The following HMCN2 variants were observed in gnomAD, a reference collection of about 807,000 sequenced individuals.
HMCN2 encodes hemicentin 2.
Under a neutral mutation model 377.5 loss-of-function variants are expected in HMCN2, and 325 were observed. The observed-to-expected ratio is 0.86, with a 90% confidence interval of 0.79 to 0.94. The LOEUF (loss-of-function observed/expected upper bound fraction) is 0.94. Ranked by LOEUF, HMCN2 falls within the 40% of genes least tolerant of loss-of-function variation. HMCN2 has a pLI of 0.00. For synonymous variants in HMCN2, 2,007 were observed against 2,046.8 expected (o/e 0.98, Z 0.53); for missense variants, 4,543 against 4,725.3 (o/e 0.96, Z 1.13).
rs766731726 is a variant in HMCN2 at position 130,393,891 on chromosome 9, G to A, written c.10384G>A (p.Glu3462Lys). ...GGAACCCTTGTTGTCCCAGAGCCTC[G>A]AGCAGGGGCCCAGCCTGCAGCTGGA... ...DGEPLLSQSLEQGPSLQLEAV... is the reference protein window; with the variant it reads ...DGEPLLSQSLKQGPSLQLEAV... Residue 3462 changes from glutamate (E) to lysine (K), a missense_variant, in exon 68 of 98, where the codon GAG becomes AAG. Physicochemically the swap from Glu to Lys is moderately conservative, Grantham distance 56. This residue lies in a region of HMCN2 where 1,073 missense variants were observed against 1,319.5 expected (regional missense o/e 0.81). Coordinates refer to ENST00000683500, the MANE Select transcript of HMCN2 (RefSeq NM_001291815.2). This position sits in a 1 kb window ranked among gnomAD's most constrained non-coding sequence, Gnocchi z 5.2. 1.3e-5 allele frequency: 17 copies of A among 1,289,526 alleles called. No homozygotes were observed. The highest frequency in any genetic ancestry group is 6.1e-5 in the African/African-American group (4 of 65,836). The allele number at this position is 1,289,526 out of a possible 1,614,324, so 79.9% of individuals were successfully genotyped here.
At chr9:130,389,683 T>A (rs1842205171) in intron 62 of HMCN2, among the ~76,000 whole-genome samples, 1 of 152,020 alleles carries the variant, frequency 6.6e-6, no homozygotes, top group African/African-American at 2.4e-5. Flanking sequence ...GAAGCGATTC[T>A]CCTGCCTCAG....
At chr9:130,348,427 A>G (rs575253020) in intron 26 of HMCN2, 118 bp from the exon 27 acceptor site, 501 of 1,221,146 alleles carry the variant, frequency 4.1e-4, no homozygotes, top group Non-Finnish European at 5.1e-4. Flanking sequence ...GCGGACGGGG[A>G]CAGGCAGACC....
In HMCN2 at chr9:130,360,583, CG is replaced by C. The variant is rs1564815970; in HGVS notation, c.5931del (p.Tyr1978MetfsTer29). ...ASNVAGSTELRYGLRVNVPPR... is the reference protein window; with the variant it reads ...ASNVAGSTELXYGLRVNVPPR... Reference sequence around the variant, plus strand: ...CAATGTGGCAGGTAGCACAGAGCTGCGGTATGGCCTACGGGTCAATGGTGAG... The same window carrying C: ...CAATGTGGCAGGTAGCACAGAGCTGCGTATGGCCTACGGGTCAATGGTGAG... On this transcript the variant is annotated frameshift_variant, in exon 38 of 98. Coordinates refer to ENST00000683500, the MANE Select transcript of HMCN2 (RefSeq NM_001291815.2). LOFTEE classifies it high-confidence loss of function. This position sits in a 1 kb window ranked among gnomAD's most constrained non-coding sequence, Gnocchi z 4.7. 1.5e-6 allele frequency: 2 copies of C among 1,302,614 alleles called. No individual in the cohort carries two copies. Among genetic ancestry groups the C allele is most frequent in the Admixed American group, 2.3e-5 (1 of 43,356 alleles). 80.7% of individuals were successfully genotyped at this position (1,302,614 alleles called of 1,614,324 possible). A position where few individuals can be genotyped will look rare whatever the true frequency, so the allele number is the denominator to read the frequency against.
intron 19 of HMCN2, among the ~76,000 whole-genome samples, chr9:130,324,929 G>T (rs1295602280): frequency 6.6e-6 from 1 of 152,014 alleles, no homozygotes; most frequent in African/African-American, 2.4e-5. Context: ...CAGCCTTGGT[G>T]TTGTTTATTT....
rs900495355 is a variant in HMCN2, at chr9:130,351,107, T to C, written c.4431-316T>C. Among the ~76,000 whole-genome samples, 6 of 152,220 alleles carry C rather than the reference T, an allele frequency of 3.9e-5. No individual in the cohort carries two copies. Among genetic ancestry groups the C allele is most frequent in the African/African-American group, 9.6e-5 (4 of 41,466 alleles). ...CTATGGACGTGCCTGTTCTGGGTAC[T>C]TCACATCACTGGCATCATAGAGTGT... is the stretch of plus-strand genomic sequence containing the variant. On this transcript the variant is annotated intron_variant, in intron 29 of 97. Coordinates refer to ENST00000683500, the MANE Select transcript of HMCN2 (RefSeq NM_001291815.2). This position sits in a 1 kb window ranked among gnomAD's most constrained non-coding sequence, Gnocchi z 5.4.
At position 130,402,850 on chromosome 9, in the gene HMCN2, C is replaced by A. The variant is rs1373574825; in HGVS notation, c.11832C>A (p.Arg3944=). ...CAGGCCGCTACACCTGCTCAGCCCG[C>A]AACTCTGCCGGCGTAGCCCACAAGC... The part of the protein sequence containing the change: ...IHAGRYTCSA[R]NSAGVAHKHV... Residue 3944 remains arginine (R), a synonymous_variant, in exon 78 of 98, where the codon CGC becomes CGA. Transcript: ENST00000683500. 1.9e-5 allele frequency: 24 copies of A among 1,289,792 alleles called. No individual in the cohort carries two copies. Among genetic ancestry groups the A allele is most frequent in the Non-Finnish European group, 2.4e-5 (24 of 988,880 alleles). 79.9% of individuals were successfully genotyped at this position (1,289,792 alleles called of 1,614,324 possible). A position where few individuals can be genotyped will look rare whatever the true frequency, so the allele number is the denominator to read the frequency against.
chr9:130,397,574 GC>G lies in HMCN2; in HGVS notation c.11248del (p.Gln3750ArgfsTer38), dbSNP rs1038034433. Reference protein sequence around the residue: ...EGSLRIQPVLAQDAGHYLCLA... With the variant: ...EGSLRIQPVLXQDAGHYLCLA... ...TTCCCTGAGAATCCAGCCAGTCCTT[GC>G]CCAGGACGCCGGCCACTACCTCTGC... On this transcript the variant is annotated frameshift_variant, in exon 74 of 98. Transcript: ENST00000683500. LOFTEE classifies it high-confidence loss of function. The G allele has an allele frequency of 3.1e-6, 4 of 1,289,708 alleles. No homozygotes were observed. In the African/African-American group the frequency reaches 4.6e-5, roughly 15 times the overall value. 79.9% of individuals were successfully genotyped at this position (1,289,708 alleles called of 1,614,324 possible).
Position 130,362,197 on chromosome 9 carries a change from TC to T in HMCN2, c.6108+35del, listed in dbSNP as rs993620427. 5 of 984,842 alleles carry T rather than the reference TC, an allele frequency of 5.1e-6. No individual in the cohort carries two copies. The African/African-American group carries it at 8.7e-5, about 17-fold the overall frequency. 61.0% of individuals were successfully genotyped at this position (984,842 alleles called of 1,614,324 possible). A position where few individuals can be genotyped will look rare whatever the true frequency, so the allele number is the denominator to read the frequency against. On this transcript the variant is annotated intron_variant, in intron 39 of 97. Coordinates refer to ENST00000683500, the MANE Select transcript of HMCN2 (RefSeq NM_001291815.2). ...AGGGCTGGGTGGCCCCGGCTCAACC[TC>T]CCTGCACCTCCCGTAGATGCTGGGA... is the stretch of plus-strand genomic sequence containing the variant.
chr9:130,407,463 A>T (rs894011976), intron 82 of HMCN2, 108 bp from the exon 83 acceptor site: 161 of 968,660 alleles, frequency 1.7e-4, no homozygotes, highest in Non-Finnish European at 1.8e-4. Flanking sequence ...TTCACCCGGG[A>T]CTCCCATCTG....
intron 95 of HMCN2, chr9:130,431,013 G>A: frequency 2.4e-6 from 1 of 423,080 alleles, no homozygotes; most frequent in South Asian, 3.5e-5. Flanking sequence ...TGGGTAGAGG[G>A]GGGTGGGGGT....
Position 130,303,447 on chromosome 9 carries a change from T to C in HMCN2, c.1422-40T>C. ...AGTCGGGGGGGACCCTGAGTGGGGG[T>C]CAGTGTGATTGTGTGTCTCCCACTG... is the stretch of plus-strand genomic sequence containing the variant. On this transcript the variant is annotated intron_variant, in intron 9 of 97. Coordinates refer to ENST00000683500, the MANE Select transcript of HMCN2 (RefSeq NM_001291815.2). The surrounding 1 kb of genome is among the most constrained non-coding windows in gnomAD (Gnocchi z 5.2). 2.5e-6 allele frequency: 1 copy of C among 405,088 alleles called. No individual in the cohort carries two copies. The highest frequency in any genetic ancestry group is 5.3e-6 in the Non-Finnish European group (1 of 190,118). 25.1% of individuals were successfully genotyped at this position (405,088 alleles called of 1,614,324 possible). A position where few individuals can be genotyped will look rare whatever the true frequency, so the allele number is the denominator to read the frequency against.
rs1214295717 is a variant in HMCN2, at chr9:130,376,639, G to A, written c.8042G>A (p.Arg2681His). Residue 2681 changes from arginine to histidine, a missense_variant, in exon 52 of 98, where the codon CGC becomes CAC. Arg to His is a conservative substitution (Grantham distance 29). This residue lies in a region of HMCN2 where 736 missense variants were observed against 773.2 expected (regional missense o/e 0.95). Transcript: ENST00000683500. Reference sequence around the variant, plus strand: ...TGGGCTGTGCCCCCGCCCACCATCCGCTGGTACAAGGATGGACAGGTGAGT... The same window carrying A: ...TGGGCTGTGCCCCCGCCCACCATCCACTGGTACAAGGATGGACAGGTGAGT... Reference protein sequence around the residue: ...ESWAVPPPTIRWYKDGQPVTP... With the variant: ...ESWAVPPPTIHWYKDGQPVTP... 2.7e-5 allele frequency: 27 copies of A among 985,714 alleles called. No homozygotes were observed. Among genetic ancestry groups the A allele is most frequent in the Middle Eastern group, 5.2e-4 (1 of 1,938 alleles). The allele number at this position is 985,714 out of a possible 1,614,324, so 61.1% of individuals were successfully genotyped here. A position where few individuals can be genotyped will look rare whatever the true frequency, so the allele number is the denominator to read the frequency against.
intron 1 of HMCN2, among the ~76,000 whole-genome samples, chr9:130,281,463 C>T (rs1484333470): frequency 6.6e-6 from 1 of 151,770 alleles, no homozygotes; most frequent in Admixed American, 6.6e-5. Context: ...CCCGGCATGG[C>T]GGTACACCTC....
intron 24 of HMCN2, among the ~76,000 whole-genome samples, chr9:130,342,130 TC>T (rs1305879138): frequency 2.0e-5 from 3 of 152,146 alleles, no homozygotes; most frequent in Non-Finnish European, 2.9e-5. Flanking sequence ...CAGCTCAGCC[TC>T]CCCAGCATGT....
At chr9:130,318,934 G>A (rs1313369209) in intron 15 of HMCN2, among the ~76,000 whole-genome samples, 1 of 152,216 alleles carries the variant, frequency 6.6e-6, no homozygotes, top group African/African-American at 2.4e-5. Context: ...GGCAATAGAA[G>A]GGGCTGTGGA....
chr9:130,319,477 C>G lies in HMCN2; in HGVS notation c.2351-18C>G, dbSNP rs1251408758. 2.0e-5 allele frequency: 3 copies of G among 152,442 alleles called. No homozygotes were observed. Among genetic ancestry groups the G allele is most frequent in the Admixed American group, 2.0e-4 (3 of 15,306 alleles). The allele number at this position is 152,442 out of a possible 1,614,324, so 9.4% of individuals were successfully genotyped here. ...AGGTCCAGCCTCCGGGCATGGTTGA[C>G]TGGTCACCTCCCTGCAGATGCGCCC... On this transcript the variant is annotated intron_variant, in intron 15 of 97. Coordinates refer to ENST00000683500, the MANE Select transcript of HMCN2 (RefSeq NM_001291815.2).
chr9:130,349,948 A>AGTGTAGT (rs1839611440), intron 29 of HMCN2, among the ~76,000 whole-genome samples: 1 of 135,312 alleles, frequency 7.4e-6, no homozygotes, highest in South Asian at 2.4e-4. Flanking sequence ...CTCAGGTTAG[A>AGTGTAGT]GTGCAGTGGA....
chr9:130,268,108 G>A (rs1564731707), intron 1 of HMCN2, among the ~76,000 whole-genome samples: 1 of 152,174 alleles, frequency 6.6e-6, no homozygotes, highest in Non-Finnish European at 1.5e-5. Context: ...GGCTCCAGTG[G>A]CCCAGCAGGA....
chr9:130,391,952 C>G lies in HMCN2; in HGVS notation c.9970C>G (p.Gln3324Glu), dbSNP rs1842340351. The change falls in exon 66 of 98, where the codon CAG becomes GAG. Residue 3324 changes from glutamine to glutamate, a missense_variant. Gln to Glu is a conservative substitution (Grantham distance 29). Around this residue, in one of 5 missense-constraint regions of HMCN2, gnomAD observed 1,073 missense variants for 1,319.5 expected, o/e 0.81. Transcript: ENST00000683500. ...VNVLVPPTIK[Q>E]GADGSGTLVS... is the part of the protein sequence containing the mutation. ...ACCCTCAGTTCCTCCCACCATCAAG[C>G]AGGGAGCAGACGGCTCGGGGACCCT... 1 of 988,120 alleles carries G rather than the reference C, an allele frequency of 1.0e-6. No homozygotes were observed. Among genetic ancestry groups the G allele is most frequent in the South Asian group, 4.7e-5 (1 of 21,382 alleles). The allele number at this position is 988,120 out of a possible 1,614,324, so 61.2% of individuals were successfully genotyped here.
Sources: allele counts gnomAD v4.1 joint callset (sites outside exome capture counted in the v4.1 genomes callset), GRCh38; gene constraint gnomAD v4.1.1; regional missense constraint gnomAD v4.1.1; non-coding constraint Gnocchi (gnomAD v3.1); transcripts MANE v1.5; gene names NCBI Gene and HGNC (gene_info 2026-07-23, HGNC 2026-07-21).